The following TAPBPL variants were observed in gnomAD, a reference collection of about 807,000 sequenced individuals.
TAPBPL encodes the protein TAP binding protein like.
A neutral mutation model predicts 44.8 loss-of-function variants in TAPBPL; 32 were observed. That is an observed-to-expected ratio of 0.71 (90% CI 0.54 to 0.96). The LOEUF (loss-of-function observed/expected upper bound fraction) is 0.96, where lower values mean the gene tolerates loss of function less well. Among genes scored for constraint, TAPBPL ranks in the 40% least tolerant of loss-of-function variants. The pLI, the probability that TAPBPL is intolerant of heterozygous loss-of-function variation, is 0.00. For synonymous variants in TAPBPL, 230 were observed against 240.7 expected (o/e 0.96, Z 0.41); for missense variants, 520 against 586.6 (o/e 0.89, Z 1.17).
chr12:6,456,753 A>G (rs1379320715), intron 3 of TAPBPL, among the ~76,000 whole-genome samples: 1 of 152,110 alleles, frequency 6.6e-6, no homozygotes, highest in Non-Finnish European at 1.5e-5. Flanking sequence ...CCCGGATTCA[A>G]GCAATTCTCC....
chr12:6,453,955 C>T lies in TAPBPL; in HGVS notation c.565+239C>T, dbSNP rs1304980678. Reference sequence around the variant, plus strand: ...GCTTGAACCCGGAAGGCAGAGGTTGCGGTGAGCCGAGATCACACCATGGCA... The same window carrying T: ...GCTTGAACCCGGAAGGCAGAGGTTGTGGTGAGCCGAGATCACACCATGGCA... On this transcript the variant is annotated intron_variant, in intron 3 of 6. Transcript: ENST00000266556. The surrounding 1 kb of genome is among the most constrained non-coding windows in gnomAD (Gnocchi z 4.8). Among the ~76,000 whole-genome samples the T allele has an allele frequency of 2.1e-5, 3 of 143,372 alleles. No homozygotes were observed. The highest frequency in any genetic ancestry group is 7.0e-5 in the Admixed American group (1 of 14,288). The allele number at this position is 143,372 out of a possible 152,430, so 94.1% of individuals were successfully genotyped here.
Position 6,453,870 on chromosome 12 carries a change from C to T in TAPBPL, c.565+154C>T, listed in dbSNP as rs1259292378. Among the ~76,000 whole-genome samples the T allele has an allele frequency of 2.0e-5, 3 of 151,676 alleles. No homozygotes were observed. The highest frequency in any genetic ancestry group is 4.4e-5 in the Non-Finnish European group (3 of 67,932). On this transcript the variant is annotated intron_variant, in intron 3 of 6. Transcript: ENST00000266556. The surrounding 1 kb of genome is among the most constrained non-coding windows in gnomAD (Gnocchi z 4.8). ...CCGTCTCTACTAATACCAAAATTAG[C>T]CGGGCATGGTGGCGGGTGCCTGTAA...
chr12:6,464,768 A>T, downstream of TAPBPL: 1 of 1,546,386 alleles, frequency 6.5e-7, no homozygotes, highest in Non-Finnish European at 8.7e-7. Flanking sequence ...TGACGATCCC[A>T]TAGCAGCGGT....
Position 6,452,288 on chromosome 12 carries a change from G to C in TAPBPL, c.40G>C (p.Ala14Pro). 6.3e-7 allele frequency: 1 copy of C among 1,575,484 alleles called. No homozygotes were observed. Among genetic ancestry groups the C allele is most frequent in the Non-Finnish European group, 8.6e-7 (1 of 1,161,168 alleles). ...GGGCTGGTGCCTGCTGCTCTGCCTG[G>C]CTCTATCTGGAGCAGCAGAAACCAG... ...QEGWCLLLCL[A>P]LSGAAETKPH... Residue 14 changes from alanine to proline, a missense_variant, in exon 1 of 7, where the codon GCT becomes CCT. By Grantham distance (27) the Ala-to-Pro change is conservative (BLOSUM62 -1). Transcript: ENST00000266556.
intron 5 of TAPBPL, among the ~76,000 whole-genome samples, chr12:6,460,382 C>T (rs897925292): frequency 1.3e-5 from 2 of 152,210 alleles, no homozygotes; most frequent in Admixed American, 1.3e-4. Flanking sequence ...TCTCCCACCT[C>T]AGCCTCCCAA....
chr12:6,461,035 G>A (rs1342498492), intron 6 of TAPBPL, 97 bp downstream of exon 6: 1 of 1,567,304 alleles, frequency 6.4e-7, no homozygotes, highest in African/African-American at 1.4e-5. Flanking sequence ...GATGCCCCAA[G>A]CTCCAGCCAC....
At chr12:6,463,176 G>A, downstream of TAPBPL, 1 of 1,440,086 alleles carries the variant, frequency 6.9e-7, no homozygotes, top group Non-Finnish European at 9.1e-7. This position sits in a 1 kb window ranked among gnomAD's most constrained non-coding sequence, Gnocchi z 4.0. Context: ...AGGAGGAAGA[G>A]AAAGGAGGCA....
Position 6,461,942 on chromosome 12 carries a change from A to G in TAPBPL, c.1292-92A>G. The stretch of plus-strand genomic sequence containing the variant: ...AGGCCAAGGACCTAGGAAGGAGCAC[A>G]GGAGGCAGATGGAAGAGGCCTGAGG... On this transcript the variant is annotated intron_variant, in intron 6 of 6. Coordinates refer to ENST00000266556, the MANE Select transcript of TAPBPL (RefSeq NM_018009.5). 6 of 1,007,776 alleles carry G rather than the reference A, an allele frequency of 6.0e-6. No individual in the cohort carries two copies. The South Asian group carries it at 7.4e-5, about 12-fold the overall frequency. 62.4% of individuals were successfully genotyped at this position (1,007,776 alleles called of 1,614,324 possible).
chr12:6,462,431 G>C, downstream of TAPBPL: 1 of 491,136 alleles, frequency 2.0e-6, no homozygotes, highest in Non-Finnish European at 3.6e-6. Context: ...GCAAACCGAA[G>C]AACGGGATGT....
chr12:6,458,375 T>TAA (rs761222808), intron 4 of TAPBPL, among the ~76,000 whole-genome samples: 56 of 134,792 alleles, frequency 4.2e-4, no homozygotes, highest in Non-Finnish European at 5.5e-4. Flanking sequence ...GACACCATCT[T>TAA]AAAAAAAAAA....
chr12:6,452,261 G>A lies in TAPBPL; in HGVS notation c.13G>A (p.Glu5Lys), dbSNP rs764112887. MGTQ[E>K]GWCLLLCLAL... The stretch of plus-strand genomic sequence containing the variant: ...GAGAGCAGCCTCCATGGGCACACAG[G>A]AGGGCTGGTGCCTGCTGCTCTGCCT... Residue 5 changes from glutamate to lysine, a missense_variant, in exon 1 of 7, where the codon GAG (glutamate) becomes AAG (lysine). Glu to Lys is a moderately conservative substitution (Grantham distance 56). Transcript: ENST00000266556. 1.9e-5 allele frequency: 30 copies of A among 1,573,566 alleles called. No individual in the cohort carries two copies. In the Admixed American group the frequency reaches 5.4e-4, roughly 28 times the overall value.
intron 1 of TAPBPL, chr12:6,452,659 A>G: frequency 8.1e-7 from 1 of 1,234,992 alleles, no homozygotes; most frequent in Non-Finnish European, 1.0e-6. Context: ...AAGGCGGGGG[A>G]GGGGAAGGCT....
In TAPBPL at chr12:6,453,726, T is replaced by C. The variant is rs1357135411; in HGVS notation, c.565+10T>C. ...ACTGTGCGAACTGCAGGTAAGAAAA[T>C]GAAAAGCAAGGCCAGGTGTGGTGGC... On this transcript the variant is annotated intron_variant, in intron 3 of 6. Transcript: ENST00000266556. The surrounding 1 kb of genome is among the most constrained non-coding windows in gnomAD (Gnocchi z 4.8). 6.3e-6 allele frequency: 10 copies of C among 1,578,206 alleles called. No individual in the cohort carries two copies. The highest frequency in any genetic ancestry group is 7.7e-6 in the Non-Finnish European group (9 of 1,162,090).
At position 6,453,311 on chromosome 12, in the gene TAPBPL, A is replaced by G; in HGVS notation, c.295+14A>G. ...TTGAGGCCTCAGGTAAAAGCCTTCCACCTGTGTCCTTGGTCCTCCCGGGCT... is the reference window on the plus strand; with the variant it reads ...TTGAGGCCTCAGGTAAAAGCCTTCCGCCTGTGTCCTTGGTCCTCCCGGGCT... On this transcript the variant is annotated intron_variant, in intron 2 of 6. Coordinates refer to ENST00000266556, the MANE Select transcript of TAPBPL (RefSeq NM_018009.5). This position sits in a 1 kb window ranked among gnomAD's most constrained non-coding sequence, Gnocchi z 4.8. 1 of 1,613,046 alleles carries G rather than the reference A, an allele frequency of 6.2e-7. No homozygotes were observed. The highest frequency in any genetic ancestry group is 8.5e-7 in the Non-Finnish European group (1 of 1,179,588).
At position 6,457,470 on chromosome 12, in the gene TAPBPL, G is replaced by A. The variant is rs1355659319; in HGVS notation, c.630G>A (p.Leu210=). The change falls in exon 4 of 7, where the codon TTG becomes TTA. Residue 210 remains leucine (L), a synonymous_variant. Transcript: ENST00000266556. Reference sequence around the variant, plus strand: ...TCCTGCTGGGGTCCTCAGCCTCCTTGGACTGTGGCTTCTCCATGGCACCGG... The same window carrying A: ...TCCTGCTGGGGTCCTCAGCCTCCTTAGACTGTGGCTTCTCCATGGCACCGG... ...LSFLLGSSAS[L]DCGFSMAPGL... is the part of the protein sequence containing the mutation. 6.2e-7 allele frequency: 1 copy of A among 1,614,066 alleles called. No individual in the cohort carries two copies. Among genetic ancestry groups the A allele is most frequent in the Non-Finnish European group, 8.5e-7 (1 of 1,180,040 alleles).
intron 3 of TAPBPL, among the ~76,000 whole-genome samples, chr12:6,457,143 G>A (rs748672910): frequency 3.9e-5 from 6 of 152,228 alleles, no homozygotes; most frequent in Non-Finnish European, 8.8e-5. Flanking sequence ...TTTTGCATGT[G>A]TATTTTTCCT....
intron 6 of TAPBPL, among the ~76,000 whole-genome samples, chr12:6,461,810 G>A (rs1264868023): frequency 6.6e-6 from 1 of 152,190 alleles, no homozygotes; most frequent in Non-Finnish European, 1.5e-5. Flanking sequence ...AATCAATACG[G>A]TGGAACTCAG....
chr12:6,470,506 G>A (rs746308305), downstream of TAPBPL: 6 of 1,613,968 alleles, frequency 3.7e-6, no homozygotes, highest in East Asian at 1.3e-4. Context: ...GAGGTGCCGA[G>A]CCCCCACACC....
chr12:6,452,527 G>T (rs1949581161), intron 1 of TAPBPL: 2 of 1,419,950 alleles, frequency 1.4e-6, no homozygotes, highest in Non-Finnish European at 1.8e-6. Flanking sequence ...GCTAAAGAGG[G>T]GCTGCCTCTG....
Sources: gnomAD v4.1 joint callset for allele counts (sites outside exome capture counted in the v4.1 genomes callset) on GRCh38, gnomAD v4.1.1 for gene constraint, Gnocchi (gnomAD v3.1) non-coding constraint, MANE v1.5 for transcripts, NCBI Gene and HGNC (gene_info 2026-07-23, HGNC 2026-07-21) for gene names.